Variants in KCNK12 observed in about 807,000 individuals in gnomAD.
KCNK12 encodes potassium channel subfamily K member 12.
KCNK12 carries 6 observed loss-of-function variants against 25.3 expected under a neutral mutation model. The ratio of observed to expected loss-of-function variants is 0.24; its 90% CI spans 0.13 to 0.47. The LOEUF is 0.47. KCNK12 is among the 20% of genes least tolerant of loss of function. KCNK12 has a pLI of 0.99. For missense variants in KCNK12, 444 were observed against 661.7 expected (o/e 0.67, Z 3.61); for synonymous variants, 331 against 311.1 (o/e 1.06, Z -0.67).
rs1669173796 is a variant in KCNK12, at chr2:47,540,497, A to G, written c.392-18689T>C. ...GTGAACGATAGTGCCCTCACTGCCC[A>G]CAGAAGTGCCTTCAGTCAGATTTAG... On this transcript the variant is annotated intron_variant, in intron 1 of 1. Transcript: ENST00000327876. This position sits in a 1 kb window ranked among gnomAD's most constrained non-coding sequence, Gnocchi z 5.4. Among the ~76,000 whole-genome samples the G allele has an allele frequency of 6.6e-6, 1 of 152,246 alleles. No homozygotes were observed. Among genetic ancestry groups the G allele is most frequent in the Non-Finnish European group, 1.5e-5 (1 of 68,048 alleles).
At chr2:47,554,955 G>A (rs372400223) in intron 1 of KCNK12, among the ~76,000 whole-genome samples, 1 of 152,152 alleles carries the variant, frequency 6.6e-6, no homozygotes, top group East Asian at 1.9e-4. Context: ...AGAGGAATCA[G>A]GACAACTCTT....
rs777951384 is a variant in KCNK12, at chr2:47,562,905, G to A, written c.391+7036C>T. 20 of 233,206 alleles carry A rather than the reference G, an allele frequency of 8.6e-5. No individual in the cohort carries two copies. Among genetic ancestry groups the A allele is most frequent in the Non-Finnish European group, 1.5e-4 (18 of 118,154 alleles). The allele number at this position is 233,206 out of a possible 1,614,324, so 14.4% of individuals were successfully genotyped here. On this transcript the variant is annotated intron_variant, in intron 1 of 1. Coordinates refer to ENST00000327876, the MANE Select transcript of KCNK12 (RefSeq NM_022055.2). This position sits in a 1 kb window ranked among gnomAD's most constrained non-coding sequence, Gnocchi z 4.8. ...CCACCTTGGGCTCCACACACTTTCC[G>A]GATTGCTGGCTGGTGGCCCCATGCA...
At chr2:47,522,538 C>T (rs1260261645) in intron 1 of KCNK12, among the ~76,000 whole-genome samples, 1 of 152,160 alleles carries the variant, frequency 6.6e-6, no homozygotes, top group Middle Eastern at 3.2e-3. Context: ...TGCAGTGGTA[C>T]AATCATAGCT....
chr2:47,567,136 C>T (rs1191257148), intron 1 of KCNK12: 1 of 152,252 alleles, frequency 6.6e-6, no homozygotes, highest in Non-Finnish European at 1.5e-5. Flanking sequence ...ACACAACACA[C>T]ACACACATAC....
rs897314961 is a variant in KCNK12 at position 47,540,071 on chromosome 2, G to A, written c.392-18263C>T. Among the ~76,000 whole-genome samples the A allele has an allele frequency of 6.6e-6, 1 of 152,204 alleles. No individual in the cohort carries two copies. The highest frequency in any genetic ancestry group is 2.4e-5 in the African/African-American group (1 of 41,450). On this transcript the variant is annotated intron_variant, in intron 1 of 1. Coordinates refer to ENST00000327876, the MANE Select transcript of KCNK12 (RefSeq NM_022055.2). This position sits in a 1 kb window ranked among gnomAD's most constrained non-coding sequence, Gnocchi z 5.4. ...TTACAGATGGTTGTGGGGATCAGAG[G>A]GGAGGGGACAGCTGGCGGATTTAGC...
rs1174384934 is a variant in KCNK12 at position 47,512,511 on chromosome 2, A to C, written c.*8396T>G. 4.8e-6 allele frequency: 7 copies of C among 1,450,208 alleles called. No individual in the cohort carries two copies. In the Admixed American group the frequency reaches 1.6e-4, roughly 34 times the overall value. 89.8% of individuals were successfully genotyped at this position (1,450,208 alleles called of 1,614,324 possible). ...ATCCCTTCTGTAAACATTTCCCTCA[A>C]AATGGAGCAGGAAGCTCTCAAAAAT... On this transcript the variant is annotated 3_prime_UTR_variant, in exon 2 of 2. Transcript: ENST00000327876.
In KCNK12 at chr2:47,525,285, G is replaced by A. The variant is rs1558548152; in HGVS notation, c.392-3477C>T. The stretch of plus-strand genomic sequence containing the variant: ...TATGGGTAGTTGTTGTGGCAGTGGA[G>A]AGTGCTGTGGATTCTTTCACTCACC... On this transcript the variant is annotated intron_variant, in intron 1 of 1. Transcript: ENST00000327876. The surrounding 1 kb of genome is among the most constrained non-coding windows in gnomAD (Gnocchi z 4.1). Among the ~76,000 whole-genome samples, 2 of 152,200 alleles carry A rather than the reference G, an allele frequency of 1.3e-5. No individual in the cohort carries two copies. Among genetic ancestry groups the A allele is most frequent in the African/African-American group, 4.8e-5 (2 of 41,452 alleles).
At chr2:47,564,406 G>A (rs1009775194) in intron 1 of KCNK12, 3 of 225,778 alleles carry the variant, frequency 1.3e-5, no homozygotes, top group African/African-American at 2.2e-5. Context: ...TGATCACTGT[G>A]TCATTACTCA....
intron 1 of KCNK12, among the ~76,000 whole-genome samples, chr2:47,531,535 G>A (rs543262229): frequency 6.6e-6 from 1 of 152,218 alleles, no homozygotes; most frequent in Admixed American, 6.5e-5. Context: ...CCTAGGCTTG[G>A]GAAAGGCATC....
At chr2:47,559,531 T>G (rs908612750) in intron 1 of KCNK12, among the ~76,000 whole-genome samples, 1 of 152,236 alleles carries the variant, frequency 6.6e-6, no homozygotes, top group Non-Finnish European at 1.5e-5. Flanking sequence ...AAATTACCTC[T>G]TTGCTGCACT....
Position 47,570,223 on chromosome 2 carries a change from CG to C in KCNK12, c.108del (p.Gly37AlafsTer94). 6.7e-7 allele frequency: 1 copy of C among 1,484,790 alleles called. No homozygotes were observed. The highest frequency in any genetic ancestry group is 8.9e-7 in the Non-Finnish European group (1 of 1,120,458). 92.0% of individuals were successfully genotyped at this position (1,484,790 alleles called of 1,614,324 possible). ...AGCGCCGCCAGCAGCACGAAGCGGCCGGTGTCCTCGTTGAGGTGCGAACGGC... is the reference window on the plus strand; with the variant it reads ...AGCGCCGCCAGCAGCACGAAGCGGCCGTGTCCTCGTTGAGGTGCGAACGGC... ...CCRRSHLNEDTGRFVLLAALI... is the reference protein window; with the variant it reads ...CCRRSHLNEDXGRFVLLAALI... On this transcript the variant is annotated frameshift_variant, in exon 1 of 2. Transcript: ENST00000327876. LOFTEE classifies it high-confidence loss of function.
chr2:47,519,383 A>AGGCGGTGC lies in KCNK12; in HGVS notation c.*1516_*1523dup, dbSNP rs1194880084. The AGGCGGTGC allele has an allele frequency of 6.6e-6, 1 of 152,192 alleles. No homozygotes were observed. The highest frequency in any genetic ancestry group is 2.4e-5 in the African/African-American group (1 of 41,418). The allele number at this position is 152,192 out of a possible 1,614,324, so 9.4% of individuals were successfully genotyped here. ...AGCATGGCTCCAGCTGGAGGCGGTG[A>AGGCGGTGC]GGCGGTGCTTTTCTAAGACTTCCTA... On this transcript the variant is annotated 3_prime_UTR_variant, in exon 2 of 2. Coordinates refer to ENST00000327876, the MANE Select transcript of KCNK12 (RefSeq NM_022055.2).
rs546491464 is a variant in KCNK12 at position 47,514,094 on chromosome 2, C to T, written c.*6813G>A. ...CCTTGCTCTGCATGCTCCAGTCCTG[C>T]AGAACTACACACAGTTCCCCCAACA... On this transcript the variant is annotated 3_prime_UTR_variant, in exon 2 of 2. Coordinates refer to ENST00000327876, the MANE Select transcript of KCNK12 (RefSeq NM_022055.2). The surrounding 1 kb of genome is among the most constrained non-coding windows in gnomAD (Gnocchi z 5.0). Among the ~76,000 whole-genome samples the T allele has an allele frequency of 3.9e-5, 6 of 152,306 alleles. No individual in the cohort carries two copies. Among genetic ancestry groups the T allele is most frequent in the African/African-American group, 1.2e-4 (5 of 41,568 alleles).
intron 1 of KCNK12, chr2:47,534,933 G>C: frequency 4.5e-6 from 1 of 220,628 alleles, no homozygotes. Context: ...CTCTCAAGTG[G>C]ATAGTTCCAA....
chr2:47,566,833 T>C lies in KCNK12; in HGVS notation c.391+3108A>G, dbSNP rs1234977753. ...GCACAACTTGGTTTCTGGACCTAGC[T>C]GAACCCCTCATTAACTGTGTGACCA... On this transcript the variant is annotated intron_variant, in intron 1 of 1. Coordinates refer to ENST00000327876, the MANE Select transcript of KCNK12 (RefSeq NM_022055.2). The surrounding 1 kb of genome is among the most constrained non-coding windows in gnomAD (Gnocchi z 4.1). 2.6e-5 allele frequency: 4 copies of C among 152,220 alleles called. No homozygotes were observed. Among genetic ancestry groups the C allele is most frequent in the Non-Finnish European group, 5.9e-5 (4 of 68,040 alleles). The allele number at this position is 152,220 out of a possible 1,614,324, so 9.4% of individuals were successfully genotyped here.
chr2:47,519,882 A>C lies in KCNK12; in HGVS notation c.*1025T>G, dbSNP rs1284111790. On this transcript the variant is annotated 3_prime_UTR_variant, in exon 2 of 2. Coordinates refer to ENST00000327876, the MANE Select transcript of KCNK12 (RefSeq NM_022055.2). Reference sequence around the variant, plus strand: ...CCTGGTTCCCAAGGACGCAGCTGGCAGAGGTGCCTCCTTCAGAGGAGGAGG... The same window carrying C: ...CCTGGTTCCCAAGGACGCAGCTGGCCGAGGTGCCTCCTTCAGAGGAGGAGG... 6.6e-6 allele frequency: 1 copy of C among 152,234 alleles called. No individual in the cohort carries two copies. The highest frequency in any genetic ancestry group is 1.5e-5 in the Non-Finnish European group (1 of 68,070). 9.4% of individuals were successfully genotyped at this position (152,234 alleles called of 1,614,324 possible).
At position 47,525,398 on chromosome 2, in the gene KCNK12, T is replaced by G. The variant is rs1475034389; in HGVS notation, c.392-3590A>C. ...CCCGGCAGCTCACTTCCTAGCTGGC[T>G]GGGCACAGCCGCTCACAGGCCTACC... On this transcript the variant is annotated intron_variant, in intron 1 of 1. Coordinates refer to ENST00000327876, the MANE Select transcript of KCNK12 (RefSeq NM_022055.2). The surrounding 1 kb of genome is among the most constrained non-coding windows in gnomAD (Gnocchi z 4.1). Among the ~76,000 whole-genome samples the G allele has an allele frequency of 6.6e-6, 1 of 152,182 alleles. No individual in the cohort carries two copies. The highest frequency in any genetic ancestry group is 1.5e-5 in the Non-Finnish European group (1 of 68,026).
In KCNK12 at chr2:47,515,840, A is replaced by T. The variant is rs1379730599; in HGVS notation, c.*5067T>A. On this transcript the variant is annotated 3_prime_UTR_variant, in exon 2 of 2. Transcript: ENST00000327876. ...GGTTTGCAAAGCCAACCCAGGCAAA[A>T]GCAATCTGCTGGAAGAACTTCATCC... Among the ~76,000 whole-genome samples the T allele has an allele frequency of 6.6e-6, 1 of 152,230 alleles. No individual in the cohort carries two copies. The highest frequency in any genetic ancestry group is 1.5e-5 in the Non-Finnish European group (1 of 68,042).
Position 47,512,315 on chromosome 2 carries a change from A to T in KCNK12, c.*8592T>A. 1.2e-6 allele frequency: 2 copies of T among 1,612,648 alleles called. No homozygotes were observed. The highest frequency in any genetic ancestry group is 2.2e-5 in the East Asian group (1 of 44,878). On this transcript the variant is annotated 3_prime_UTR_variant, in exon 2 of 2. Coordinates refer to ENST00000327876, the MANE Select transcript of KCNK12 (RefSeq NM_022055.2). ...TCCTTCCTTTCAGAACCTCAGAGTG[A>T]CAGAGCCAAAAGACCAGTGCCTCAT...
Sources: allele counts gnomAD v4.1 joint callset (sites outside exome capture counted in the v4.1 genomes callset), GRCh38; gene constraint gnomAD v4.1.1; non-coding constraint Gnocchi (gnomAD v3.1); transcripts MANE v1.5; gene names NCBI Gene and HGNC (gene_info 2026-07-23, HGNC 2026-07-21).